Variants in ZNF469 observed in about 807,000 individuals in gnomAD.
ZNF469 encodes the protein zinc finger protein 469.
ZNF469 carries 1 observed loss-of-function variant against 1.0 expected under a neutral mutation model. The ratio of observed to expected loss-of-function variants is 1.00; its 90% CI spans 0.35 to 4.73. The LOEUF (loss-of-function observed/expected upper bound fraction) is 4.73. ZNF469 is among the 30% of genes most tolerant of loss of function. The pLI is 0.16. For missense variants in ZNF469, 6,100 were observed against 5,356.3 expected (o/e 1.14, Z -4.33); for synonymous variants, 2,703 against 2,363.4 (o/e 1.14, Z -4.17).
chr16:88,380,943 C>A (rs2092521399), upstream of ZNF469, among the ~76,000 whole-genome samples: 3 of 148,230 alleles, frequency 2.0e-5, no homozygotes, highest in Admixed American at 1.3e-4. Context: ...CACTCACACA[C>A]AGACACGCCC....
At chr16:88,280,770 G>T in the ZNF469 span, among the ~76,000 whole-genome samples, 2 of 151,346 alleles carry the variant, frequency 1.3e-5, no homozygotes, top group African/African-American at 2.4e-5. Context: ...TCACCCTGAT[G>T]CTTGGTCAGT....
At chr16:88,179,036 C>T in the ZNF469 span, 1 of 152,326 alleles carries the variant, frequency 6.6e-6, no homozygotes, top group Admixed American at 6.5e-5. Flanking sequence ...GCACCCCCAA[C>T]CCGAAGACGG....
chr16:88,153,812 C>G, the ZNF469 span, among the ~76,000 whole-genome samples: 6 of 152,206 alleles, frequency 3.9e-5, no homozygotes, highest in Non-Finnish European at 5.9e-5. Flanking sequence ...GGCCTTCCCT[C>G]TGTGCATACA....
At chr16:88,233,257 G>C in the ZNF469 span, among the ~76,000 whole-genome samples, 2 of 152,208 alleles carry the variant, frequency 1.3e-5, no homozygotes, top group Non-Finnish European at 2.9e-5. Context: ...TTCTTTGTGT[G>C]TGTAGCCTCG....
upstream of ZNF469, among the ~76,000 whole-genome samples, chr16:88,381,299 CAT>C (rs1183763807): frequency 2.6e-4 from 39 of 148,384 alleles, no homozygotes; most frequent in South Asian, 1.5e-3. Flanking sequence ...CACTCACACA[CAT>C]GCACTCATGC....
chr16:88,277,633 C>T, the ZNF469 span, among the ~76,000 whole-genome samples: 3 of 146,090 alleles, frequency 2.1e-5, no homozygotes, highest in Non-Finnish European at 4.5e-5. Flanking sequence ...GATAGCAGTG[C>T]ATGGTTAGTG....
chr16:88,324,630 T>C, the ZNF469 span, among the ~76,000 whole-genome samples: 1 of 152,102 alleles, frequency 6.6e-6, no homozygotes, highest in African/African-American at 2.4e-5. Context: ...CCACAGGGAG[T>C]GCGCCAGGGT....
the ZNF469 span, among the ~76,000 whole-genome samples, chr16:88,150,546 C>T: frequency 6.6e-6 from 1 of 152,158 alleles, no homozygotes; most frequent in African/African-American, 2.4e-5. Context: ...GCTGCTCCCC[C>T]TTTGTGGGTG....
At chr16:88,286,566 G>C in the ZNF469 span, among the ~76,000 whole-genome samples, 2 of 152,258 alleles carry the variant, frequency 1.3e-5, no homozygotes, top group South Asian at 4.1e-4. Context: ...CACCTGGCCT[G>C]GGCCCCTGCC....
At chr16:88,316,167 C>T in the ZNF469 span, among the ~76,000 whole-genome samples, 6 of 152,242 alleles carry the variant, frequency 3.9e-5, no homozygotes, top group Non-Finnish European at 5.9e-5. Flanking sequence ...TCCTCCTCAC[C>T]GGAATCTCCG....
chr16:88,427,873 G>A lies in ZNF469; in HGVS notation c.403G>A (p.Glu135Lys), dbSNP rs940155253. Residue 135 changes from glutamate to lysine, a missense_variant, in exon 3 of 3, where the codon GAG becomes AAG. Transcript: ENST00000565624. ...ASSRTKPTLD[E>K]TPENPQLEAA... The stretch of plus-strand genomic sequence containing the variant: ...CTCGAGGACCAAGCCCACCCTGGAC[G>A]AGACACCAGAGAACCCACAGCTGGA... The A allele has an allele frequency of 1.0e-5, 16 of 1,549,486 alleles. No individual in the cohort carries two copies. Among genetic ancestry groups the A allele is most frequent in the Admixed American group, 7.8e-5 (4 of 50,966 alleles).
the ZNF469 span, among the ~76,000 whole-genome samples, chr16:88,207,905 A>T: frequency 6.6e-6 from 1 of 152,104 alleles, no homozygotes; most frequent in Non-Finnish European, 1.5e-5. Flanking sequence ...ACGCGGTCAC[A>T]GGCTCGAGGG....
chr16:88,116,952 C>T, the ZNF469 span, among the ~76,000 whole-genome samples: 137,400 of 149,180 alleles, frequency 0.92, 63,800 homozygotes, highest in East Asian at 1. Flanking sequence ...GAAGTGCATG[C>T]GTGCACACAC....
upstream of ZNF469, among the ~76,000 whole-genome samples, chr16:88,382,875 G>C (rs2092528725): frequency 6.6e-6 from 1 of 151,596 alleles, no homozygotes; most frequent in East Asian, 1.9e-4. Flanking sequence ...CAAACACCTA[G>C]GAAAAGCGGC....
At chr16:88,211,013 GT>G in the ZNF469 span, among the ~76,000 whole-genome samples, 1 of 152,262 alleles carries the variant, frequency 6.6e-6, no homozygotes, top group Non-Finnish European at 1.5e-5. Flanking sequence ...GCCTTCGGCC[GT>G]TGAGTGGCCT....
At chr16:88,154,400 A>C in the ZNF469 span, among the ~76,000 whole-genome samples, 2 of 152,170 alleles carry the variant, frequency 1.3e-5, no homozygotes, top group Admixed American at 1.3e-4. Flanking sequence ...TCCTGACCTC[A>C]AGAGATCCAC....
At chr16:88,305,630 A>G in the ZNF469 span, among the ~76,000 whole-genome samples, 3 of 151,448 alleles carry the variant, frequency 2.0e-5, no homozygotes, top group African/African-American at 7.3e-5. Flanking sequence ...ACGTGCACAC[A>G]CATTCTCACA....
At chr16:88,135,613 C>T in the ZNF469 span, among the ~76,000 whole-genome samples, 1 of 152,146 alleles carries the variant, frequency 6.6e-6, no homozygotes, top group African/African-American at 2.4e-5. Flanking sequence ...GGAGCACTCA[C>T]ACCCGGAGGA....
intron 1 of ZNF469, among the ~76,000 whole-genome samples, chr16:88,389,065 A>G (rs962638592): frequency 1.3e-5 from 2 of 152,240 alleles, no homozygotes; most frequent in African/African-American, 4.8e-5. Context: ...TGTGCGCTTC[A>G]GTGGCTTTCA....
Sources: allele counts gnomAD v4.1 joint callset (sites outside exome capture counted in the v4.1 genomes callset), GRCh38; gene constraint gnomAD v4.1.1; transcripts MANE v1.5; gene names NCBI Gene and HGNC (gene_info 2026-07-23, HGNC 2026-07-21).